SLC5A9: variants seen among roughly 807,000 people sequenced by gnomAD.
The protein encoded by SLC5A9 is solute carrier family 5 member 9.
SLC5A9 carries 59 observed loss-of-function variants against 70.9 expected under a neutral mutation model. That is an observed-to-expected ratio of 0.83 (90% confidence interval 0.68 to 1.03). The LOEUF (loss-of-function observed/expected upper bound fraction) is 1.03, where lower values mean the gene tolerates loss of function less well. Among genes scored for constraint, SLC5A9 ranks in the 50% least tolerant of loss-of-function variants. The probability of loss-of-function intolerance (pLI) is 0.00; values close to 1 mark genes in which losing one functional copy is unlikely to be tolerated. For synonymous variants in SLC5A9, 340 were observed against 346.5 expected (o/e 0.98, Z 0.21); for missense variants, 832 against 881.1 (o/e 0.94, Z 0.71).
rs1644120101 is a variant in SLC5A9 at position 48,224,743 on chromosome 1, G to A, written c.182G>A (p.Arg61Gln). The A allele has an allele frequency of 2.5e-6, 4 of 1,614,014 alleles. No homozygotes were observed. Among genetic ancestry groups the A allele is most frequent in the South Asian group, 1.1e-5 (1 of 91,078 alleles). ...VGIWSSIRAS[R>Q]GTIGGYFLAG... ...TTCCAGTCGTCCATCCGTGCAAGTCGAGGGACCATTGGCGGCTATTTCCTG... is the reference window on the plus strand; with the variant it reads ...TTCCAGTCGTCCATCCGTGCAAGTCAAGGGACCATTGGCGGCTATTTCCTG... The change falls in exon 2 of 14, where the codon CGA (arginine) becomes CAA (glutamine). Residue 61 changes from arginine (R) to glutamine (Q), a missense_variant. Arg to Gln is a conservative substitution (Grantham distance 43). Coordinates refer to ENST00000438567, the MANE Select transcript of SLC5A9 (RefSeq NM_001011547.3).
rs369470873 is a variant in SLC5A9 at position 48,245,035 on chromosome 1, G to T, written c.1838-2300G>T. Among the ~76,000 whole-genome samples, 23 of 145,660 alleles carry T rather than the reference G, an allele frequency of 1.6e-4. 1 individual carries two copies. The East Asian group carries it at 1.8e-3, about 12-fold the overall frequency. On this transcript the variant is annotated intron_variant, in intron 13 of 13. Coordinates refer to ENST00000438567, the MANE Select transcript of SLC5A9 (RefSeq NM_001011547.3). ...ATATTATCGTTAGTGCAGTTCTGTT[G>T]CTATGTGACCTTAAATAAGTCTCTT...
intron 10 of SLC5A9, 147 bp downstream of exon 10, chr1:48,236,026 GT>G: frequency 1.1e-6 from 1 of 885,584 alleles, no homozygotes; most frequent in African/African-American, 1.7e-5. Flanking sequence ...ATGATTTCAA[GT>G]AAGTCCTTCG....
chr1:48,247,218 T>G, intron 13 of SLC5A9, 117 bp from the exon 14 acceptor site: 1 of 937,228 alleles, frequency 1.1e-6, no homozygotes, highest in Non-Finnish European at 1.6e-6. Context: ...CCCCCATACT[T>G]TCCATCAGTA....
chr1:48,238,337 G>C (rs1011870856), intron 11 of SLC5A9: 1 of 153,152 alleles, frequency 6.5e-6, no homozygotes, highest in African/African-American at 2.4e-5. Context: ...AACAATATAA[G>C]GTTCTATGTG....
In SLC5A9 at chr1:48,242,501, G is replaced by A. The variant is rs771838457; in HGVS notation, c.1722G>A (p.Glu574=). ...TWWTRNCPLS[E]LEKEAHESTP... ...GGACTCGGAACTGCCCCCTCTCTGA[G>A]CTGGAGAAGGAGGCCCACGAGAGCA... Residue 574 remains glutamate (E), a synonymous_variant, in exon 13 of 14, where the codon GAG becomes GAA. Coordinates refer to ENST00000438567, the MANE Select transcript of SLC5A9 (RefSeq NM_001011547.3). 7 of 1,613,052 alleles carry A rather than the reference G, an allele frequency of 4.3e-6. No individual in the cohort carries two copies. The Admixed American group carries it at 6.7e-5, about 15-fold the overall frequency.
Position 48,232,476 on chromosome 1 carries a change from G to A in SLC5A9, c.1007G>A (p.Gly336Asp), listed in dbSNP as rs1365821362. Residue 336 changes from glycine (G) to aspartate (D), a missense_variant, in exon 8 of 14, where the codon GGC becomes GAC. Coordinates refer to ENST00000438567, the MANE Select transcript of SLC5A9 (RefSeq NM_001011547.3). ...CCCATGTTCTTCATCGTCATGCCTGGCATGATCAGCCGGGCCCTGTTCCCA... is the reference window on the plus strand; with the variant it reads ...CCCATGTTCTTCATCGTCATGCCTGACATGATCAGCCGGGCCCTGTTCCCA... ...ILPMFFIVMPGMISRALFPDE... is the reference protein window; with the variant it reads ...ILPMFFIVMPDMISRALFPDE... The A allele has an allele frequency of 6.2e-7, 1 of 1,614,218 alleles. No homozygotes were observed. Among genetic ancestry groups the A allele is most frequent in the African/African-American group, 1.3e-5 (1 of 75,056 alleles).
At chr1:48,228,099 T>TAA (rs1644191197) in intron 2 of SLC5A9, 1 of 152,130 alleles carries the variant, frequency 6.6e-6, no homozygotes, top group East Asian at 1.9e-4. Flanking sequence ...CAAGCACCAT[T>TAA]TGTGTAGTGT....
intron 10 of SLC5A9, 60 bp downstream of exon 10, chr1:48,235,939 G>A (rs1258515207): frequency 1.2e-6 from 2 of 1,605,136 alleles, no homozygotes; most frequent in Admixed American, 1.7e-5. Context: ...CCTGCCCTGG[G>A]TTACCCTGAA....
intron 1 of SLC5A9, 144 bp from the exon 2 acceptor site, chr1:48,224,580 C>G: frequency 1.4e-6 from 1 of 727,910 alleles, no homozygotes; most frequent in Non-Finnish European, 2.4e-6. Flanking sequence ...TGGAACCAGC[C>G]TCAGGCAGCT....
chr1:48,239,299 C>T lies in SLC5A9; in HGVS notation c.1462-23C>T. 6.4e-7 allele frequency: 1 copy of T among 1,573,454 alleles called. No individual in the cohort carries two copies. Among genetic ancestry groups the T allele is most frequent in the Non-Finnish European group, 8.7e-7 (1 of 1,150,328 alleles). ...GTCTCCCACCTGGATCTCACCTCAG[C>T]TCTTGTCTGCCCTCTCTCACAGGGA... On this transcript the variant is annotated intron_variant, in intron 11 of 13. Transcript: ENST00000438567. The surrounding 1 kb of genome is among the most constrained non-coding windows in gnomAD (Gnocchi z 4.2).
chr1:48,247,744 T>G lies in SLC5A9; in HGVS notation c.*201T>G, dbSNP rs1644475827. The G allele has an allele frequency of 6.1e-5, 37 of 610,426 alleles. No homozygotes were observed. In the South Asian group the frequency reaches 7.2e-4, roughly 12 times the overall value. 37.8% of individuals were successfully genotyped at this position (610,426 alleles called of 1,614,324 possible). ...AGCCCAGAGAGAGCACTGGGTTTGTTCAGGACCACCCAGAAGGTGTCACAC... is the reference window on the plus strand; with the variant it reads ...AGCCCAGAGAGAGCACTGGGTTTGTGCAGGACCACCCAGAAGGTGTCACAC... On this transcript the variant is annotated 3_prime_UTR_variant, in exon 14 of 14. Coordinates refer to ENST00000438567, the MANE Select transcript of SLC5A9 (RefSeq NM_001011547.3).
At chr1:48,229,612 C>T in intron 4 of SLC5A9, 153 bp downstream of exon 4, 2 of 1,239,096 alleles carry the variant, frequency 1.6e-6, no homozygotes, top group South Asian at 3.1e-5. Context: ...CATGTTCTGC[C>T]TCAGCACTGG....
chr1:48,230,341 T>C (rs12118417), intron 4 of SLC5A9, among the ~76,000 whole-genome samples: 39,235 of 152,172 alleles, frequency 0.26, 5,637 homozygotes, highest in Admixed American at 0.35. Context: ...ACTCCCTTCA[T>C]GTCCAGCAGA....
rs189917682 is a variant in SLC5A9, at chr1:48,228,546, G to A, written c.235-304G>A. ...CTCAGACCCATGGCCTCAGGGCGGA[G>A]GTCCACACTCCCCACTTCCAGGCTT... On this transcript the variant is annotated intron_variant, in intron 2 of 13. Transcript: ENST00000438567. 20 of 361,842 alleles carry A rather than the reference G, an allele frequency of 5.5e-5. No individual in the cohort carries two copies. The Admixed American group carries it at 7.0e-4, about 13-fold the overall frequency. 22.4% of individuals were successfully genotyped at this position (361,842 alleles called of 1,614,324 possible). A position where few individuals can be genotyped will look rare whatever the true frequency, so the allele number is the denominator to read the frequency against.
chr1:48,247,187 C>A, intron 13 of SLC5A9, 148 bp from the exon 14 acceptor site: 1 of 708,088 alleles, frequency 1.4e-6, no homozygotes. Flanking sequence ...ATGGCTTCAC[C>A]CCTCCCCAGT....
rs765812675 is a variant in SLC5A9, at chr1:48,232,360, C to T, written c.898-7C>T. 19 of 1,613,888 alleles carry T rather than the reference C, an allele frequency of 1.2e-5. No homozygotes were observed. Among genetic ancestry groups the T allele is most frequent in the Non-Finnish European group, 1.5e-5 (18 of 1,179,988 alleles). On this transcript the variant is annotated splice_region_variant and splice_polypyrimidine_tract_variant and intron_variant, in intron 7 of 13. Transcript: ENST00000438567. The stretch of plus-strand genomic sequence containing the variant: ...TGCGCTGCACTCCTCATTTGCTGCC[C>T]TTTCAGGTCATTGTGCAGCGGTCTC...
At position 48,229,296 on chromosome 1, in the gene SLC5A9, C is replaced by T. The variant is rs763214405; in HGVS notation, c.341C>T (p.Ala114Val). 2 of 1,614,066 alleles carry T rather than the reference C, an allele frequency of 1.2e-6. No individual in the cohort carries two copies. The highest frequency in any genetic ancestry group is 1.7e-5 in the Admixed American group (1 of 60,008). ...GLAVGGFEWN[A>V]TWLLLALGWV... The stretch of plus-strand genomic sequence containing the variant: ...TTCTTCTTCTCCCCACTCTCCCAGG[C>T]AACCTGGCTGCTCCTGGCCCTTGGC... The change falls in exon 4 of 14, where the codon GCA (alanine) becomes GTA (valine). Residue 114 changes from alanine to valine, a missense_variant and splice_region_variant. By Grantham distance (64) the Ala-to-Val change is moderately conservative (BLOSUM62 0). Transcript: ENST00000438567.
intron 9 of SLC5A9, 122 bp downstream of exon 9, chr1:48,233,884 C>A: frequency 2.8e-6 from 2 of 725,986 alleles, no homozygotes; most frequent in Non-Finnish European, 4.9e-6. Flanking sequence ...CACCTCTGCA[C>A]CCCCATCCCA....
Position 48,247,565 on chromosome 1 carries a change from G to A in SLC5A9, c.*22G>A. ...GTGATTCCACAGACCTGGCTTCAGTGTAGACAGATTAAACAAAGCCCAAGC... is the reference window on the plus strand; with the variant it reads ...GTGATTCCACAGACCTGGCTTCAGTATAGACAGATTAAACAAAGCCCAAGC... On this transcript the variant is annotated 3_prime_UTR_variant, in exon 14 of 14. Coordinates refer to ENST00000438567, the MANE Select transcript of SLC5A9 (RefSeq NM_001011547.3). The A allele has an allele frequency of 6.2e-7, 1 of 1,611,872 alleles. No homozygotes were observed. Among genetic ancestry groups the A allele is most frequent in the Non-Finnish European group, 8.5e-7 (1 of 1,177,988 alleles).
Sources: gnomAD v4.1 joint callset for allele counts (sites outside exome capture counted in the v4.1 genomes callset) on GRCh38, gnomAD v4.1.1 for gene constraint, Gnocchi (gnomAD v3.1) non-coding constraint, MANE v1.5 for transcripts, NCBI Gene and HGNC (gene_info 2026-07-23, HGNC 2026-07-21) for gene names.